GPC5: variants seen among roughly 807,000 people sequenced by gnomAD.
GPC5 encodes the protein glypican-5.
A neutral mutation model predicts 53.9 loss-of-function variants in GPC5; 47 were observed. That is an observed-to-expected ratio of 0.87 (90% CI 0.69 to 1.11). The LOEUF (loss-of-function observed/expected upper bound fraction) is 1.11. Among genes scored for constraint, GPC5 ranks in the 50% most tolerant of loss-of-function variants. GPC5 has a pLI of 0.00. For synonymous variants in GPC5, 286 were observed against 263.3 expected (o/e 1.09, Z -0.84); for missense variants, 748 against 713.1 (o/e 1.05, Z -0.56).
At chr13:91,985,220 T>C (rs1472671427) in intron 6 of GPC5, among the ~76,000 whole-genome samples, 4 of 152,186 alleles carry the variant, frequency 2.6e-5, no homozygotes, top group African/African-American at 7.2e-5. Context: ...AGTTTATTCT[T>C]GTAATATTTT....
At chr13:92,769,307 T>C (rs1036876668) in intron 7 of GPC5, among the ~76,000 whole-genome samples, 1 of 152,204 alleles carries the variant, frequency 6.6e-6, no homozygotes, top group Non-Finnish European at 1.5e-5. Flanking sequence ...CTTTTCTTCA[T>C]TCAAAATATT....
In GPC5 at chr13:91,808,050, G is replaced by A. The variant is rs1160462898; in HGVS notation, c.1280+51630G>A. Among the ~76,000 whole-genome samples the A allele has an allele frequency of 4.6e-5, 7 of 152,168 alleles. No individual in the cohort carries two copies. The South Asian group carries it at 1.0e-3, about 23-fold the overall frequency. On this transcript the variant is annotated intron_variant, in intron 5 of 7. Transcript: ENST00000377067. ...AATCTGAATTTAAGAGTATACAGCT[G>A]TGATGAACCACATTATCTATTACTT...
chr13:92,589,556 TGTTA>T (rs1883652279), intron 7 of GPC5, among the ~76,000 whole-genome samples: 1 of 152,178 alleles, frequency 6.6e-6, no homozygotes, highest in Admixed American at 6.5e-5. Flanking sequence ...ATCATAAAAT[TGTTA>T]GTGAGCAGAA....
At chr13:91,458,582 A>G (rs1881715956) in intron 2 of GPC5, among the ~76,000 whole-genome samples, 1 of 152,118 alleles carries the variant, frequency 6.6e-6, no homozygotes, top group Non-Finnish European at 1.5e-5. Context: ...GAATGGCGAT[A>G]ATTAAAAAAT....
chr13:92,749,388 A>G (rs1234520482), intron 7 of GPC5, among the ~76,000 whole-genome samples: 1 of 152,156 alleles, frequency 6.6e-6, no homozygotes, highest in Non-Finnish European at 1.5e-5. Context: ...AAGTCACTAT[A>G]TACAATAAAC....
At chr13:91,531,256 G>A (rs1886328458) in intron 2 of GPC5, among the ~76,000 whole-genome samples, 1 of 152,146 alleles carries the variant, frequency 6.6e-6, no homozygotes, top group African/African-American at 2.4e-5. Flanking sequence ...TTTACAGATA[G>A]TGGTCCATTG....
At chr13:91,522,158 T>G (rs2139371205) in intron 2 of GPC5, among the ~76,000 whole-genome samples, 1 of 152,298 alleles carries the variant, frequency 6.6e-6, no homozygotes, top group Non-Finnish European at 1.5e-5. Context: ...CTTCATTACT[T>G]AGAGATGATG....
chr13:92,767,838 T>C (rs887381554), intron 7 of GPC5, among the ~76,000 whole-genome samples: 9 of 152,186 alleles, frequency 5.9e-5, no homozygotes, highest in African/African-American at 1.9e-4. Context: ...ATTTCCCACA[T>C]TCCACCCAGT....
At chr13:92,567,282 C>T (rs1882890752) in intron 7 of GPC5, among the ~76,000 whole-genome samples, 1 of 152,134 alleles carries the variant, frequency 6.6e-6, no homozygotes, top group Non-Finnish European at 1.5e-5. Flanking sequence ...CCCTGTTCTT[C>T]AGCATTTGTA....
intron 7 of GPC5, among the ~76,000 whole-genome samples, chr13:92,618,316 A>G (rs1253453350): frequency 6.6e-6 from 1 of 152,154 alleles, no homozygotes; most frequent in African/African-American, 2.4e-5. Context: ...ACAATATGAC[A>G]TATTATTACA....
At chr13:92,205,309 ATGAT>A (rs1248607327) in intron 7 of GPC5, among the ~76,000 whole-genome samples, 1 of 152,144 alleles carries the variant, frequency 6.6e-6, no homozygotes, top group Non-Finnish European at 1.5e-5. Flanking sequence ...TTACATAGGC[ATGAT>A]TGATTGATTA....
intron 6 of GPC5, among the ~76,000 whole-genome samples, chr13:92,138,021 G>A (rs1464568193): frequency 1.3e-5 from 2 of 152,126 alleles, no homozygotes; most frequent in Non-Finnish European, 2.9e-5. Context: ...GTTGGGAGTA[G>A]GGAGTCTATG....
chr13:92,276,546 G>A lies in GPC5; in HGVS notation c.1561+131557G>A, dbSNP rs376465022. Among the ~76,000 whole-genome samples, 17 of 152,144 alleles carry A rather than the reference G, an allele frequency of 1.1e-4. No homozygotes were observed. In the East Asian group the frequency reaches 2.9e-3, roughly 26 times the overall value. On this transcript the variant is annotated intron_variant, in intron 7 of 7. Coordinates refer to ENST00000377067, the MANE Select transcript of GPC5 (RefSeq NM_004466.6). ...AACAAAAATAATTCAGGATTAAGGT[G>A]ACCATTACATTTTCCTGGGCTTCTG... is the stretch of plus-strand genomic sequence containing the variant.
intron 7 of GPC5, among the ~76,000 whole-genome samples, chr13:92,585,463 G>T (rs960949320): frequency 6.6e-5 from 10 of 152,198 alleles, no homozygotes; most frequent in Non-Finnish European, 1.5e-4. Flanking sequence ...TCCAGTGCTT[G>T]TACCCACGTT....
At chr13:92,704,186 G>T (rs1231600628) in intron 7 of GPC5, among the ~76,000 whole-genome samples, 1 of 151,972 alleles carries the variant, frequency 6.6e-6, no homozygotes, top group Admixed American at 6.6e-5. Context: ...ATTCCAATTT[G>T]TAAAATCTTT....
At chr13:92,245,200 G>A (rs1712254601) in intron 7 of GPC5, among the ~76,000 whole-genome samples, 1 of 151,974 alleles carries the variant, frequency 6.6e-6, no homozygotes, top group Non-Finnish European at 1.5e-5. Flanking sequence ...TCTCTTTATG[G>A]AATATAATGT....
intron 2 of GPC5, among the ~76,000 whole-genome samples, chr13:91,474,187 A>G (rs556284483): frequency 1.4e-4 from 22 of 152,228 alleles, no homozygotes; most frequent in Non-Finnish European, 1.3e-4. Context: ...CATTTTGCAT[A>G]TTTGTGCTTT....
chr13:92,583,316 C>G (rs1054538042), intron 7 of GPC5, among the ~76,000 whole-genome samples: 2 of 152,330 alleles, frequency 1.3e-5, no homozygotes, highest in South Asian at 4.1e-4. Flanking sequence ...TGAACCATAA[C>G]TGCATCCCAG....
At chr13:91,853,186 G>A (rs542674538) in intron 5 of GPC5, among the ~76,000 whole-genome samples, 22 of 152,140 alleles carry the variant, frequency 1.4e-4, no homozygotes, top group South Asian at 1.0e-3. Flanking sequence ...TAAATTGAAA[G>A]ATGTTAAAAA....
Sources: gnomAD v4.1 joint callset for allele counts (sites outside exome capture counted in the v4.1 genomes callset) on GRCh38, gnomAD v4.1.1 for gene constraint, MANE v1.5 for transcripts, NCBI Gene and HGNC (gene_info 2026-07-23, HGNC 2026-07-21) for gene names.